NCSTN: variants seen among roughly 807,000 people sequenced by gnomAD.
The protein encoded by NCSTN is anterior pharynx-defective 2.
NCSTN carries 22 observed loss-of-function variants against 87.0 expected under a neutral mutation model. That is an observed-to-expected ratio of 0.25 (90% CI 0.18 to 0.36). The LOEUF is 0.36. Among genes scored for constraint, NCSTN ranks in the 10% least tolerant of loss-of-function variants. The pLI is 1.00. For synonymous variants in NCSTN, 306 were observed against 327.1 expected, an observed-to-expected ratio of 0.94 and a Z score of 0.69; for missense variants, 693 against 883.3, an observed-to-expected ratio of 0.78 and a Z score of 2.73.
Position 160,351,825 on chromosome 1 carries a change from C to T in NCSTN, c.843+20C>T. On this transcript the variant is annotated intron_variant, in intron 7 of 16. Coordinates refer to ENST00000294785, the MANE Select transcript of NCSTN (RefSeq NM_015331.3). ...ACCCGGGTGAGTGTTGGCTTCTGAT[C>T]AGGATGGGCAGGGCTGGCACAAAAA... 6.4e-7 allele frequency: 1 copy of T among 1,564,586 alleles called. No homozygotes were observed.
At chr1:160,356,894 A>T in intron 15 of NCSTN, 140 bp downstream of exon 15, 1 of 1,399,488 alleles carries the variant, frequency 7.1e-7, no homozygotes. Context: ...GGTGTTGAAA[A>T]GCCTGGGTGA....
intron 12 of NCSTN, 33 bp downstream of exon 12, chr1:160,355,790 G>A (rs1304596556): frequency 6.2e-7 from 1 of 1,600,506 alleles, no homozygotes; most frequent in Non-Finnish European, 8.6e-7. Context: ...GGGAGCCTGG[G>A]GCACACAGTG....
At position 160,353,064 on chromosome 1, in the gene NCSTN, G is replaced by A. The variant is rs10158574; in HGVS notation, c.1101+73G>A. On this transcript the variant is annotated intron_variant, in intron 9 of 16. Coordinates refer to ENST00000294785, the MANE Select transcript of NCSTN (RefSeq NM_015331.3). The stretch of plus-strand genomic sequence containing the variant: ...CCTTTGTTGTTCTGCGGTCTTAACT[G>A]CAGGAACCACCGCCTCTTCCCTTGA... 0.017 allele frequency: 27,021 copies of A among 1,578,286 alleles called. 3,859 individuals carry two copies. The African/African-American group carries it at 0.31, about 18-fold the overall frequency.
chr1:160,354,174 C>A lies in NCSTN; in HGVS notation c.1236C>A (p.Ile412=). ...EKSGAGVPAV[I]LRRPNQSQPL... Reference sequence around the variant, plus strand: ...GTGGTGCTGGTGTCCCTGCTGTCATCCTCAGGAGGCCAAATCAGTCCCAGC... The same window carrying A: ...GTGGTGCTGGTGTCCCTGCTGTCATACTCAGGAGGCCAAATCAGTCCCAGC... The change falls in exon 11 of 17, where the codon ATC becomes ATA. Residue 412 remains isoleucine (I), a synonymous_variant. Transcript: ENST00000294785. 1 of 1,614,166 alleles carries A rather than the reference C, an allele frequency of 6.2e-7. No individual in the cohort carries two copies. The highest frequency in any genetic ancestry group is 1.1e-5 in the South Asian group (1 of 91,090).
At chr1:160,356,829 G>C (rs999665238) in intron 15 of NCSTN, 75 bp downstream of exon 15, 1 of 1,580,170 alleles carries the variant, frequency 6.3e-7, no homozygotes, top group Non-Finnish European at 8.6e-7. Flanking sequence ...TCTAGACCTA[G>C]TTAGACCCAG....
chr1:160,346,485 T>C (rs1249291848), intron 2 of NCSTN, among the ~76,000 whole-genome samples: 1 of 152,238 alleles, frequency 6.6e-6, no homozygotes, highest in Non-Finnish European at 1.5e-5. Flanking sequence ...TTACTACTTT[T>C]TTAGCCATCT....
rs778210870 is a variant in NCSTN, at chr1:160,356,664, G to A, written c.1704G>A (p.Gln568=). 2 of 1,614,112 alleles carry A rather than the reference G, an allele frequency of 1.2e-6. No homozygotes were observed. Among genetic ancestry groups the A allele is most frequent in the South Asian group, 1.1e-5 (1 of 91,094 alleles). The change falls in exon 15 of 17, where the codon CAG becomes CAA. Residue 568 remains glutamine (Q), a synonymous_variant. Transcript: ENST00000294785. ...SSPTNTTYVV[Q]YALANLTGTV... is the part of the protein sequence containing the mutation. ...CCACCAACACCACTTATGTTGTACA[G>A]TATGCCTTGGCAAATTTGACTGGCA...
chr1:160,352,221 G>A lies in NCSTN; in HGVS notation c.996+15G>A. 6.2e-7 allele frequency: 1 copy of A among 1,613,972 alleles called. No individual in the cohort carries two copies. The highest frequency in any genetic ancestry group is 8.5e-7 in the Non-Finnish European group (1 of 1,179,892). On this transcript the variant is annotated intron_variant, in intron 8 of 16. Coordinates refer to ENST00000294785, the MANE Select transcript of NCSTN (RefSeq NM_015331.3). Reference sequence around the variant, plus strand: ...TCTTTCAAGGGGTAAGGGCTCTTTGGCTGGGGTGCAATGGCAGGGAAGAAA... The same window carrying A: ...TCTTTCAAGGGGTAAGGGCTCTTTGACTGGGGTGCAATGGCAGGGAAGAAA...
chr1:160,356,196 A>G, intron 13 of NCSTN, 64 bp from the exon 14 acceptor site: 2 of 1,410,588 alleles, frequency 1.4e-6, no homozygotes, highest in South Asian at 2.3e-5. Context: ...GTCTCCACTG[A>G]TAATTCTTTC....
intron 2 of NCSTN, among the ~76,000 whole-genome samples, chr1:160,346,230 T>C (rs12745909): frequency 6.6e-6 from 1 of 152,208 alleles, no homozygotes; most frequent in Non-Finnish European, 1.5e-5. Context: ...AGCAGGAAAC[T>C]TGGGGTCTGA....
chr1:160,348,688 CT>C (rs765575116), intron 2 of NCSTN, among the ~76,000 whole-genome samples: 12 of 152,316 alleles, frequency 7.9e-5, no homozygotes, highest in Admixed American at 3.9e-4. Flanking sequence ...GGTTTGAAAA[CT>C]TTGGTGTCTA....
chr1:160,345,938 G>GAAAAAAAAAAAAAA (rs56358787), intron 2 of NCSTN, among the ~76,000 whole-genome samples: 1 of 59,788 alleles, frequency 1.7e-5, no homozygotes, highest in African/African-American at 6.6e-5. Context: ...GACACTGTCT[G>GAAAAAAAAAAAAAA]AAAAAAAAAA....
chr1:160,353,076 G>A (rs534122547), intron 9 of NCSTN, 84 bp from the exon 10 acceptor site: 61 of 1,576,684 alleles, frequency 3.9e-5, no homozygotes, highest in Non-Finnish European at 5.0e-5. Context: ...AGGAACCACC[G>A]CCTCTTCCCT....
chr1:160,349,382 T>G, intron 3 of NCSTN, 167 bp from the exon 4 acceptor site: 1 of 1,113,672 alleles, frequency 9.0e-7, no homozygotes, highest in Non-Finnish European at 1.4e-6. Flanking sequence ...AAGCTCTACT[T>G]TTTAGAGCAG....
In NCSTN at chr1:160,357,096, T is replaced by A. The variant is rs765443646; in HGVS notation, c.1850T>A (p.Leu617His). Residue 617 changes from leucine (L) to histidine (H), a missense_variant, in exon 16 of 17, where the codon CTC becomes CAC. Around this residue, in one of 4 missense-constraint regions of NCSTN, gnomAD observed 216 missense variants for 311.7 expected, o/e 0.69. Transcript: ENST00000294785. ...TTGCATTCTAATGAGACGGACCGAC[T>A]CCCCCGGTGTGTGCGTTCTACTGCA... ...GPLHSNETDR[L>H]PRCVRSTARL... The A allele has an allele frequency of 1.3e-5, 21 of 1,613,920 alleles. No homozygotes were observed. The African/African-American group carries it at 2.5e-4, about 19-fold the overall frequency.
rs554939889 is a variant in NCSTN, at chr1:160,351,620, G to T, written c.734-76G>T. 1.2e-4 allele frequency: 164 copies of T among 1,401,958 alleles called. No individual in the cohort carries two copies. The African/African-American group carries it at 2.0e-3, about 17-fold the overall frequency. The allele number at this position is 1,401,958 out of a possible 1,614,324, so 86.8% of individuals were successfully genotyped here. A position where few individuals can be genotyped will look rare whatever the true frequency, so the allele number is the denominator to read the frequency against. ...CTTAGAGTCCGTGGGGCACTGGTCAGAGATTTCCAATGTTGCCTTTATAGC... is the reference window on the plus strand; with the variant it reads ...CTTAGAGTCCGTGGGGCACTGGTCATAGATTTCCAATGTTGCCTTTATAGC... On this transcript the variant is annotated intron_variant, in intron 6 of 16. Coordinates refer to ENST00000294785, the MANE Select transcript of NCSTN (RefSeq NM_015331.3).
Position 160,357,223 on chromosome 1 carries a change from G to A in NCSTN, c.1977G>A (p.Arg659=). ...GCCGCTGGAAAGATATCCGTGCCCG[G>A]ATATTTCTCATCGCCAGCAAAGAGC... ...TESRWKDIRA[R]IFLIASKELE... Residue 659 remains arginine (R), a synonymous_variant, in exon 16 of 17, where the codon CGG becomes CGA. Transcript: ENST00000294785. 12 of 1,614,032 alleles carry A rather than the reference G, an allele frequency of 7.4e-6. No homozygotes were observed. The highest frequency in any genetic ancestry group is 9.3e-6 in the Non-Finnish European group (11 of 1,179,980).
intron 8 of NCSTN, 109 bp downstream of exon 8, chr1:160,352,315 A>G: frequency 7.3e-7 from 1 of 1,366,496 alleles, no homozygotes; most frequent in Non-Finnish European, 1.0e-6. Context: ...GTTGTTAACC[A>G]GCACAGAGCT....
At position 160,358,136 on chromosome 1, in the gene NCSTN, C is replaced by G; in HGVS notation, c.2008-13C>G. The G allele has an allele frequency of 1.9e-6, 3 of 1,614,134 alleles. No homozygotes were observed. The highest frequency in any genetic ancestry group is 2.5e-6 in the Non-Finnish European group (3 of 1,180,018). Reference sequence around the variant, plus strand: ...AATGCCTTTGTCCTTTCCTGCCCTCCCTCCCCCTGCAGTTGATCACCCTGA... The same window carrying G: ...AATGCCTTTGTCCTTTCCTGCCCTCGCTCCCCCTGCAGTTGATCACCCTGA... On this transcript the variant is annotated splice_polypyrimidine_tract_variant and intron_variant, in intron 16 of 16. Transcript: ENST00000294785.
Sources: gnomAD v4.1 joint callset for allele counts (sites outside exome capture counted in the v4.1 genomes callset) on GRCh38, gnomAD v4.1.1 for gene constraint, gnomAD v4.1.1 regional missense constraint, MANE v1.5 for transcripts, NCBI Gene and HGNC (gene_info 2026-07-23, HGNC 2026-07-21) for gene names.